The following TXK variants were observed in gnomAD, a reference collection of about 807,000 sequenced individuals.
The protein encoded by TXK is TXK tyrosine kinase.
Under a neutral mutation model 81.0 loss-of-function variants are expected in TXK, and 60 were observed. The observed-to-expected ratio is 0.74, with a 90% CI of 0.60 to 0.92. The LOEUF (loss-of-function observed/expected upper bound fraction) is 0.92. TXK is among the 40% of genes least tolerant of loss of function. The pLI, the probability that TXK is intolerant of heterozygous loss-of-function variation, is 0.00. For synonymous variants in TXK, 203 were observed against 210.7 expected, an observed-to-expected ratio of 0.96 and a Z score of 0.32; for missense variants, 581 against 638.3, an observed-to-expected ratio of 0.91 and a Z score of 0.97.
In TXK at chr4:48,067,678, CG is replaced by C. The variant is rs752521636; in HGVS notation, c.1542del (p.Glu515SerfsTer43). ...ATCTCTGTGACAGCCCGCAGCAGCT[CG>C]GCAAATGTAGGGCGGCCTTCAGGTT... is the stretch of plus-strand genomic sequence containing the variant. Reference protein sequence around the residue: ...HEKPEGRPTFAELLRAVTEIA... With the variant: ...HEKPEGRPTFXELLRAVTEIA... On this transcript the variant is annotated frameshift_variant, in exon 15 of 15. Transcript: ENST00000264316. LOFTEE classifies it high-confidence loss of function. The C allele has an allele frequency of 6.2e-7, 1 of 1,614,104 alleles. No homozygotes were observed. Among genetic ancestry groups the C allele is most frequent in the Non-Finnish European group, 8.5e-7 (1 of 1,180,018 alleles).
chr4:48,085,802 C>T (rs1717504309), intron 10 of TXK, among the ~76,000 whole-genome samples: 1 of 152,106 alleles, frequency 6.6e-6, no homozygotes, highest in African/African-American at 2.4e-5. Context: ...AGATCATCTT[C>T]CCACTCCATC....
intron 12 of TXK, 119 bp from the exon 13 acceptor site, chr4:48,074,172 T>C (rs1480562915): frequency 1.4e-6 from 1 of 722,800 alleles, no homozygotes; most frequent in Non-Finnish European, 2.4e-6. Flanking sequence ...AGAAAGGTTG[T>C]GGATGCCTTC....
intron 1 of TXK, among the ~76,000 whole-genome samples, chr4:48,119,871 A>T (rs1718900362): frequency 6.6e-6 from 1 of 152,170 alleles, no homozygotes; most frequent in Non-Finnish European, 1.5e-5. Context: ...TAGAGCCCCA[A>T]ATAGATCTGT....
intron 5 of TXK, among the ~76,000 whole-genome samples, chr4:48,108,844 C>T (rs1305582807): frequency 2.0e-5 from 3 of 152,072 alleles, no homozygotes; most frequent in Non-Finnish European, 4.4e-5. Context: ...GAGCCTAGGC[C>T]TTGTCTAAAC....
intron 1 of TXK, among the ~76,000 whole-genome samples, chr4:48,124,749 T>C (rs1367339321): frequency 6.6e-6 from 1 of 152,208 alleles, no homozygotes; most frequent in Admixed American, 6.5e-5. Flanking sequence ...CATATATTTT[T>C]AAACAAATGC....
chr4:48,113,735 C>G (rs1365462536), intron 2 of TXK, among the ~76,000 whole-genome samples: 1 of 152,028 alleles, frequency 6.6e-6, no homozygotes. Flanking sequence ...AATCCCAGCT[C>G]CACCATTTCA....
intron 5 of TXK, among the ~76,000 whole-genome samples, 173 bp downstream of exon 5, chr4:48,110,365 A>T (rs2704400): frequency 0.73 from 110,298 of 152,038 alleles, 40,029 homozygotes; most frequent in Admixed American, 0.76. Context: ...AAAAATAAGT[A>T]TAAGGAAAAG....
intron 6 of TXK, among the ~76,000 whole-genome samples, chr4:48,096,774 C>G (rs1287176030): frequency 6.6e-6 from 1 of 152,168 alleles, no homozygotes; most frequent in Non-Finnish European, 1.5e-5. Context: ...AGTGATATGC[C>G]CACCTCAGCC....
rs1470105106 is a variant in TXK at position 48,089,942 on chromosome 4, CAGTT to C, written c.710-122_710-119del. On this transcript the variant is annotated intron_variant, in intron 8 of 14. Transcript: ENST00000264316. Reference sequence around the variant, plus strand: ...ATTAGACAAACAAAATTCATTCTACCAGTTAGTCAGCAGTTTGCTTATTTTCCCA... The same window carrying C: ...ATTAGACAAACAAAATTCATTCTACCAGTCAGCAGTTTGCTTATTTTCCCA... 4 of 654,686 alleles carry C rather than the reference CAGTT, an allele frequency of 6.1e-6. No homozygotes were observed. In the Admixed American group the frequency reaches 1.1e-4, roughly 19 times the overall value. The allele number at this position is 654,686 out of a possible 1,614,324, so 40.6% of individuals were successfully genotyped here.
intron 1 of TXK, among the ~76,000 whole-genome samples, chr4:48,132,058 T>A (rs1223195352): frequency 6.6e-6 from 1 of 151,288 alleles, no homozygotes; most frequent in African/African-American, 2.4e-5. Context: ...TTTTTTTTTT[T>A]ACAAAATCTA....
intron 1 of TXK, among the ~76,000 whole-genome samples, chr4:48,126,487 G>A (rs1719093856): frequency 6.6e-6 from 1 of 152,148 alleles, no homozygotes; most frequent in African/African-American, 2.4e-5. Flanking sequence ...ACAACTTTGT[G>A]TGTGTGTGTG....
intron 7 of TXK, among the ~76,000 whole-genome samples, chr4:48,094,485 T>C (rs765427547): frequency 1.3e-5 from 2 of 152,236 alleles, no homozygotes; most frequent in African/African-American, 2.4e-5. Context: ...AAGTACATAT[T>C]GAATATCAAG....
chr4:48,116,296 G>GT (rs1223893057), intron 1 of TXK, among the ~76,000 whole-genome samples: 2 of 152,186 alleles, frequency 1.3e-5, no homozygotes, highest in African/African-American at 4.8e-5. Context: ...CAGGTATACA[G>GT]TAAGAGGGTA....
chr4:48,072,553 GA>G lies in TXK; in HGVS notation c.1358-880del, dbSNP rs897237634. On this transcript the variant is annotated intron_variant, in intron 13 of 14. Coordinates refer to ENST00000264316, the MANE Select transcript of TXK (RefSeq NM_003328.3). Reference sequence around the variant, plus strand: ...AATAATCATTGATTGATTGATTAGTGAAACTCCTGCAAGAACTCCTAATTTG... The same window carrying G: ...AATAATCATTGATTGATTGATTAGTGAACTCCTGCAAGAACTCCTAATTTG... Among the ~76,000 whole-genome samples the G allele has an allele frequency of 7.2e-5, 11 of 152,340 alleles. 1 individual carries two copies. Among genetic ancestry groups the G allele is most frequent in the African/African-American group, 2.4e-4 (10 of 41,580 alleles).
intron 6 of TXK, among the ~76,000 whole-genome samples, chr4:48,102,673 A>C (rs941107268): frequency 6.6e-6 from 1 of 152,374 alleles, no homozygotes; most frequent in South Asian, 2.1e-4. Flanking sequence ...AATTCATTGC[A>C]GCACTGTTTG....
intron 1 of TXK, among the ~76,000 whole-genome samples, chr4:48,122,556 T>C (rs1326999254): frequency 6.6e-6 from 1 of 152,250 alleles, no homozygotes; most frequent in African/African-American, 2.4e-5. Context: ...TAACATGCTG[T>C]GCAATTTATT....
At chr4:48,130,960 A>T (rs554265453) in intron 1 of TXK, among the ~76,000 whole-genome samples, 1 of 152,272 alleles carries the variant, frequency 6.6e-6, no homozygotes, top group African/African-American at 2.4e-5. Flanking sequence ...CTACTCTCTA[A>T]GTTGGGAATA....
chr4:48,118,383 G>A (rs1718867421), intron 1 of TXK, among the ~76,000 whole-genome samples: 1 of 152,230 alleles, frequency 6.6e-6, no homozygotes, highest in Non-Finnish European at 1.5e-5. Flanking sequence ...AGCAGGAAGA[G>A]TAGGTACAAT....
chr4:48,077,735 A>C (rs560800222), intron 11 of TXK, among the ~76,000 whole-genome samples: 1 of 152,002 alleles, frequency 6.6e-6, no homozygotes, highest in East Asian at 1.9e-4. Context: ...TTTTTTTTTA[A>C]TGATCTATCT....
Sources: gnomAD v4.1 joint callset for allele counts (sites outside exome capture counted in the v4.1 genomes callset) on GRCh38, gnomAD v4.1.1 for gene constraint, MANE v1.5 for transcripts, NCBI Gene and HGNC (gene_info 2026-07-23, HGNC 2026-07-21) for gene names.